Variants in PARP4 observed in about 807,000 individuals in gnomAD.
PARP4 encodes the protein poly(ADP-ribose) polymerase family member 4, also known as protein mono-ADP-ribosyltransferase PARP4.
A neutral mutation model predicts 187.7 loss-of-function variants in PARP4; 120 were observed. The observed-to-expected ratio is 0.64, with a 90% CI of 0.55 to 0.74. The LOEUF is 0.74. PARP4 is among the 30% of genes least tolerant of loss of function. The probability of loss-of-function intolerance (pLI) is 0.00; values close to 1 mark genes in which losing one functional copy is unlikely to be tolerated. For synonymous variants in PARP4, 654 were observed against 740.9 expected (o/e 0.88, Z 1.90); for missense variants, 1,836 against 2,070.5 (o/e 0.89, Z 2.20).
rs748091610 is a variant in PARP4, at chr13:24,449,768, C to A, written c.3064G>T (p.Gly1022Ter). 5.6e-6 allele frequency: 9 copies of A among 1,610,752 alleles called. No individual in the cohort carries two copies. Among genetic ancestry groups the A allele is most frequent in the Non-Finnish European group, 7.6e-6 (9 of 1,177,588 alleles). ...TTTGCATTAAAATATTCAAATACTCCGGCACCACACTGGGACAAAATCCTT... is the reference window on the plus strand; with the variant it reads ...TTTGCATTAAAATATTCAAATACTCAGGCACCACACTGGGACAAAATCCTT... Reference protein sequence around the residue: ...VLRILSQCGAGVFEYFNAKSK... With the variant: ...VLRILSQCGA Residue 1022 changes from glycine (G) to a stop codon, truncating the protein, a stop_gained, in exon 25 of 34, where the codon GGA (glycine) becomes TGA (stop). Transcript: ENST00000381989. LOFTEE classifies it high-confidence loss of function.
intron 8 of PARP4, among the ~76,000 whole-genome samples, 192 bp from the exon 9 acceptor site, chr13:24,492,786 T>C (rs1286283115): frequency 1.3e-5 from 2 of 152,226 alleles, no homozygotes; most frequent in Non-Finnish European, 2.9e-5. Context: ...TGAGGATTGT[T>C]GCAAAACTAG....
intron 17 of PARP4, among the ~76,000 whole-genome samples, chr13:24,466,683 T>G (rs866639455): frequency 2.7e-5 from 4 of 150,826 alleles, no homozygotes; most frequent in Admixed American, 6.6e-5. Context: ...TAGTCCTAGC[T>G]ACTTGGGAGG....
chr13:24,442,748 C>G (rs1214590087), intron 28 of PARP4, 63 bp from the exon 29 acceptor site: 2 of 891,008 alleles, frequency 2.2e-6, no homozygotes, highest in Non-Finnish European at 3.7e-6. Flanking sequence ...GTCAGTAAAT[C>G]ATTTTAAGAT....
At chr13:24,456,215 T>C in intron 21 of PARP4, 126 bp downstream of exon 21, 1 of 693,618 alleles carries the variant, frequency 1.4e-6, no homozygotes, top group South Asian at 2.5e-5. Context: ...TGCAGAATCT[T>C]GAGATGTGAG....
At chr13:24,459,532 TACACACACACACACGCAC>T (rs1259852150) in intron 18 of PARP4, 5 of 316,434 alleles carry the variant, frequency 1.6e-5, no homozygotes, top group Admixed American at 5.7e-5. Context: ...TCTGTGTGTA[TACACACACACACACGCAC>T]ACACACACAC....
At position 24,502,289 on chromosome 13, in the gene PARP4, C is replaced by G. The variant is rs1479301770; in HGVS notation, c.133-455G>C. On this transcript the variant is annotated intron_variant, in intron 2 of 33. Transcript: ENST00000381989. ...TGAACTCTCAGCCTCAAGTGATTCT[C>G]CCATCTCAGCTGAGTTTACAGGCAT... Among the ~76,000 whole-genome samples the G allele has an allele frequency of 2.0e-5, 3 of 152,164 alleles. No individual in the cohort carries two copies. In the East Asian group the frequency reaches 5.8e-4, roughly 29 times the overall value.
In PARP4 at chr13:24,469,926, C is replaced by T. The variant is rs1215430444; in HGVS notation, c.2014G>A (p.Ala672Thr). 6.2e-7 allele frequency: 1 copy of T among 1,613,816 alleles called. No homozygotes were observed. Among genetic ancestry groups the T allele is most frequent in the Admixed American group, 1.7e-5 (1 of 59,994 alleles). ...ACTATGTGCTTCCCATTGATGAAGG[C>T]TTCGAAGCCACACACAGCGGCCTTG... ...DDKAAVCGFEAFINGKHIVGE... is the reference protein window; with the variant it reads ...DDKAAVCGFETFINGKHIVGE... The change falls in exon 16 of 34, where the codon GCC becomes ACC. Residue 672 changes from alanine (A) to threonine (T), a missense_variant. Around this residue, in one of 8 missense-constraint regions of PARP4, gnomAD observed 1,147 missense variants for 1,214.2 expected, o/e 0.94. Coordinates refer to ENST00000381989, the MANE Select transcript of PARP4 (RefSeq NM_006437.4).
rs756609983 is a variant in PARP4 at position 24,501,648 on chromosome 13, T to C, written c.319A>G (p.Lys107Glu). 1 of 1,612,576 alleles carries C rather than the reference T, an allele frequency of 6.2e-7. No homozygotes were observed. The highest frequency in any genetic ancestry group is 8.5e-7 in the Non-Finnish European group (1 of 1,178,612). ...PLDITPPPDQ[K>E]ASSSEVKTEG... ...AAATACCTACCAGAACTGCTCGCCT[T>C]CTGATCAGGAGGTGGTGTGATGTCC... Residue 107 changes from lysine to glutamate, a missense_variant, in exon 3 of 34, where the codon AAG becomes GAG. Transcript: ENST00000381989.
chr13:24,440,661 G>A (rs1401861867), intron 30 of PARP4, among the ~76,000 whole-genome samples: 1 of 152,136 alleles, frequency 6.6e-6, no homozygotes, highest in African/African-American at 2.4e-5. Flanking sequence ...TGGGGCACTG[G>A]GAAGGTCAAG....
chr13:24,453,037 C>T (rs937521746), intron 23 of PARP4, among the ~76,000 whole-genome samples: 3 of 152,076 alleles, frequency 2.0e-5, no homozygotes, highest in South Asian at 4.1e-4. Context: ...TGGGTTCAAG[C>T]GATTCTCCTG....
chr13:24,456,002 T>A (rs1871824939), intron 21 of PARP4, among the ~76,000 whole-genome samples: 1 of 152,162 alleles, frequency 6.6e-6, no homozygotes, highest in South Asian at 2.1e-4. Flanking sequence ...CAACCACAAA[T>A]AACTGCTTAT....
At chr13:24,451,578 G>A (rs1371292540) in intron 24 of PARP4, among the ~76,000 whole-genome samples, 1 of 152,110 alleles carries the variant, frequency 6.6e-6, no homozygotes, top group Admixed American at 6.5e-5. Flanking sequence ...TCAGGGGCAA[G>A]GACAGCAAAG....
At chr13:24,473,504 CAT>C (rs549475188) in intron 15 of PARP4, among the ~76,000 whole-genome samples, 154 of 152,060 alleles carry the variant, frequency 1.0e-3, no homozygotes, top group African/African-American at 3.6e-3. Context: ...TGCAATAAAA[CAT>C]AGAGAAGGGT....
intron 20 of PARP4, 116 bp downstream of exon 20, chr13:24,458,928 T>C (rs1335846374): frequency 2.7e-6 from 2 of 737,116 alleles, no homozygotes; most frequent in Non-Finnish European, 4.7e-6. Flanking sequence ...GAGTAGTGCT[T>C]CTTGTTAGAA....
At chr13:24,499,614 C>T (rs1210263754) in intron 4 of PARP4, among the ~76,000 whole-genome samples, 3 of 152,146 alleles carry the variant, frequency 2.0e-5, no homozygotes, top group Non-Finnish European at 1.5e-5. Context: ...AGATACCCAG[C>T]ACTGTAGCGT....
In PARP4 at chr13:24,435,225, T is replaced by C; in HGVS notation, c.3916A>G (p.Ser1306Gly). The C allele has an allele frequency of 6.2e-7, 1 of 1,614,166 alleles. No homozygotes were observed. Among genetic ancestry groups the C allele is most frequent in the Admixed American group, 1.7e-5 (1 of 60,026 alleles). The change falls in exon 31 of 34, where the codon AGT becomes GGT. Residue 1306 changes from serine (S) to glycine (G), a missense_variant. Transcript: ENST00000381989. ...TATEPLFKKV[S>G]PWETSTSSFF... ...CTAGAAGTAGATGTTTCCCATGGAC[T>C]GACTTTCTTAAATAGTGGTTCAGTT... is the stretch of plus-strand genomic sequence containing the variant.
At chr13:24,458,733 G>C (rs1455496047) in intron 20 of PARP4, among the ~76,000 whole-genome samples, 1 of 152,092 alleles carries the variant, frequency 6.6e-6, no homozygotes, top group East Asian at 1.9e-4. Flanking sequence ...GTGGGTGGAG[G>C]GGGCAAGAGC....
At chr13:24,452,168 C>A (rs1315276237) in intron 24 of PARP4, 1 of 428,148 alleles carries the variant, frequency 2.3e-6, no homozygotes, top group Non-Finnish European at 4.1e-6. Flanking sequence ...TTCATTATCA[C>A]CTTGGTTTTA....
At chr13:24,501,406 T>C (rs887389982) in intron 3 of PARP4, among the ~76,000 whole-genome samples, 8 of 152,220 alleles carry the variant, frequency 5.3e-5, no homozygotes, top group African/African-American at 1.9e-4. Context: ...GATCAGTGTT[T>C]TGTGGCCATT....
Sources: gnomAD v4.1 joint callset for allele counts (sites outside exome capture counted in the v4.1 genomes callset) on GRCh38, gnomAD v4.1.1 for gene constraint, gnomAD v4.1.1 regional missense constraint, MANE v1.5 for transcripts, NCBI Gene and HGNC (gene_info 2026-07-23, HGNC 2026-07-21) for gene names.